Variants in ZNF438 observed in about 807,000 individuals in gnomAD.
The protein encoded by ZNF438 is zinc finger protein 438.
In ZNF438, 25 loss-of-function variants were observed where a neutral mutation model predicts 38.0. That is an observed-to-expected ratio of 0.66 (90% CI 0.48 to 0.92). The LOEUF is 0.92. Among genes scored for constraint, ZNF438 ranks in the 40% least tolerant of loss-of-function variants. The probability of loss-of-function intolerance (pLI) is 0.00; values close to 1 mark genes in which losing one functional copy is unlikely to be tolerated. For missense variants in ZNF438, 1,007 were observed against 999.6 expected (o/e 1.01, Z -0.10); for synonymous variants, 372 against 364.1 (o/e 1.02, Z -0.25).
At chr10:30,906,536 T>C (rs1171439041) in intron 3 of ZNF438, among the ~76,000 whole-genome samples, 1 of 152,222 alleles carries the variant, frequency 6.6e-6, no homozygotes, top group Non-Finnish European at 1.5e-5. Context: ...GTTTTTCTTC[T>C]GGCTTTCCAA....
chr10:31,016,792 G>A (rs1278602641), intron 1 of ZNF438, among the ~76,000 whole-genome samples: 1 of 152,192 alleles, frequency 6.6e-6, no homozygotes, highest in African/African-American at 2.4e-5. Context: ...CTGGCTACAA[G>A]GAGCGTAAGA....
chr10:30,996,948 G>A (rs2054108544), intron 1 of ZNF438, among the ~76,000 whole-genome samples: 1 of 151,988 alleles, frequency 6.6e-6, no homozygotes, highest in South Asian at 2.1e-4. Flanking sequence ...AATAACCAAT[G>A]GGTCAAAGAA....
rs549434325 is a variant in ZNF438, at chr10:30,988,278, A to G, written c.-192+43555T>C. Among the ~76,000 whole-genome samples the G allele has an allele frequency of 9.9e-5, 15 of 152,264 alleles. No homozygotes were observed. The East Asian group carries it at 2.9e-3, about 29-fold the overall frequency. Reference sequence around the variant, plus strand: ...TACATTCTCAAATTTAAAAATCACAATTTATATAGAAAACAGTAACTTGAA... The same window carrying G: ...TACATTCTCAAATTTAAAAATCACAGTTTATATAGAAAACAGTAACTTGAA... On this transcript the variant is annotated intron_variant, in intron 1 of 5. Transcript: ENST00000413025.
At chr10:30,976,982 T>C (rs1026696755) in intron 1 of ZNF438, among the ~76,000 whole-genome samples, 2 of 152,254 alleles carry the variant, frequency 1.3e-5, no homozygotes, top group South Asian at 4.1e-4. Context: ...TAAAGAAAAC[T>C]TCTTTAAAAA....
At chr10:30,958,821 T>C (rs1480824352) in intron 1 of ZNF438, among the ~76,000 whole-genome samples, 1 of 147,312 alleles carries the variant, frequency 6.8e-6, no homozygotes, top group African/African-American at 2.4e-5. Context: ...ATGTAGTCTA[T>C]TGAGTCTAGT....
chr10:30,931,621 G>A (rs770189886), intron 2 of ZNF438, among the ~76,000 whole-genome samples: 54 of 152,022 alleles, frequency 3.6e-4, no homozygotes, highest in African/African-American at 1.0e-3. Context: ...GAATATTCAC[G>A]TCTTCAAGGT....
At chr10:30,936,665 A>G (rs117062178) in intron 2 of ZNF438, among the ~76,000 whole-genome samples, 1 of 152,024 alleles carries the variant, frequency 6.6e-6, no homozygotes, top group Non-Finnish European at 1.5e-5. Flanking sequence ...GGAGCAAGAC[A>G]TCGTCTCAAA....
At chr10:30,905,173 G>C (rs549716216) in intron 3 of ZNF438, among the ~76,000 whole-genome samples, 1 of 152,322 alleles carries the variant, frequency 6.6e-6, no homozygotes, top group African/African-American at 2.4e-5. Context: ...GTAACTCTAT[G>C]TTTAACCTTT....
At chr10:30,939,703 G>A (rs1183440637) in intron 2 of ZNF438, among the ~76,000 whole-genome samples, 1 of 152,192 alleles carries the variant, frequency 6.6e-6, no homozygotes, top group Non-Finnish European at 1.5e-5. Context: ...AGTATCCAAT[G>A]CTGTCAGAGG....
intron 1 of ZNF438, among the ~76,000 whole-genome samples, chr10:30,956,914 G>A (rs975632719): frequency 6.6e-6 from 1 of 152,142 alleles, no homozygotes; most frequent in East Asian, 1.9e-4. Flanking sequence ...GCCGTACAGT[G>A]AAACTGTTAG....
At chr10:30,960,568 A>G (rs1173693486) in intron 1 of ZNF438, among the ~76,000 whole-genome samples, 1 of 147,068 alleles carries the variant, frequency 6.8e-6, no homozygotes, top group Non-Finnish European at 1.5e-5. Context: ...CAATGGACCA[A>G]AAATGTAAAT....
At chr10:30,901,748 T>C (rs1178258327) in intron 3 of ZNF438, among the ~76,000 whole-genome samples, 1 of 151,858 alleles carries the variant, frequency 6.6e-6, no homozygotes, top group Non-Finnish European at 1.5e-5. Context: ...GGTGGGTTCT[T>C]GGTCTCACTG....
chr10:30,895,242 A>G (rs1168269400), intron 3 of ZNF438, among the ~76,000 whole-genome samples: 5 of 152,128 alleles, frequency 3.3e-5, no homozygotes, highest in African/African-American at 4.8e-5. Context: ...CACTCCTCCA[A>G]CTGCATTTTG....
At chr10:30,880,056 T>A (rs2133762843) in intron 3 of ZNF438, among the ~76,000 whole-genome samples, 1 of 152,222 alleles carries the variant, frequency 6.6e-6, no homozygotes, top group South Asian at 2.1e-4. Context: ...AAAAAGTTTT[T>A]AAAGCACCCA....
chr10:30,895,695 A>G (rs561502403), intron 3 of ZNF438, among the ~76,000 whole-genome samples: 1 of 152,228 alleles, frequency 6.6e-6, no homozygotes, highest in African/African-American at 2.4e-5. Context: ...AGAGCGAAGC[A>G]TTTGTATAGA....
At chr10:30,912,720 G>C (rs1255748201) in intron 2 of ZNF438, among the ~76,000 whole-genome samples, 3 of 152,008 alleles carry the variant, frequency 2.0e-5, no homozygotes, top group African/African-American at 7.3e-5. Flanking sequence ...TAACATTTCT[G>C]TGTTTCCATG....
intron 1 of ZNF438, among the ~76,000 whole-genome samples, chr10:31,011,398 T>C (rs1259479684): frequency 1.3e-5 from 2 of 152,192 alleles, no homozygotes; most frequent in Admixed American, 6.5e-5. Flanking sequence ...TTCTGCAGAC[T>C]GAAGTCTGAA....
chr10:30,962,442 G>T (rs1466600720), intron 1 of ZNF438, among the ~76,000 whole-genome samples: 1 of 147,386 alleles, frequency 6.8e-6, no homozygotes, highest in Admixed American at 6.8e-5. Flanking sequence ...AGAGATTTTA[G>T]TAAGTGTTCT....
intron 1 of ZNF438, among the ~76,000 whole-genome samples, chr10:30,960,947 T>G (rs527830785): frequency 6.8e-6 from 1 of 146,368 alleles, no homozygotes; most frequent in South Asian, 2.2e-4. Flanking sequence ...CAACAAACAT[T>G]TACTGAATGC....
Sources: allele counts gnomAD v4.1 joint callset (sites outside exome capture counted in the v4.1 genomes callset), GRCh38; gene constraint gnomAD v4.1.1; transcripts MANE v1.5; gene names NCBI Gene and HGNC (gene_info 2026-07-23, HGNC 2026-07-21).